NID1: variants seen among roughly 807,000 people sequenced by gnomAD.
NID1 encodes the protein nidogen-1.
In NID1, 76 loss-of-function variants were observed where a neutral mutation model predicts 130.6. The ratio of observed to expected loss-of-function variants is 0.58; its 90% CI spans 0.48 to 0.70. The LOEUF is 0.70. Among genes scored for constraint, NID1 ranks in the 30% least tolerant of loss-of-function variants. The pLI is 0.00. For missense variants in NID1, 1,517 were observed against 1,664.8 expected, an observed-to-expected ratio of 0.91 and a Z score of 1.54; for synonymous variants, 665 against 675.1, an observed-to-expected ratio of 0.98 and a Z score of 0.23.
chr1:236,060,568 T>G (rs1449733018), intron 1 of NID1: 1 of 152,168 alleles, frequency 6.6e-6, no homozygotes, highest in Non-Finnish European at 1.5e-5. Context: ...GATGAGTCAA[T>G]ATTTTCAACT....
At chr1:236,055,230 G>A (rs933532226) in intron 1 of NID1, among the ~76,000 whole-genome samples, 7 of 151,912 alleles carry the variant, frequency 4.6e-5, no homozygotes, top group Admixed American at 2.0e-4. Flanking sequence ...CGGGAACCCG[G>A]GAGGTGGAGC....
intron 9 of NID1, among the ~76,000 whole-genome samples, chr1:236,019,880 A>G (rs1347105025): frequency 6.6e-6 from 1 of 151,826 alleles, no homozygotes; most frequent in East Asian, 1.9e-4. Context: ...CATCTCTACT[A>G]AAAATACAAA....
chr1:236,013,362 G>A (rs1309724515), intron 11 of NID1, 49 bp downstream of exon 11: 3 of 1,602,784 alleles, frequency 1.9e-6, no homozygotes, highest in South Asian at 1.1e-5. Context: ...GTACCACCTA[G>A]GAAACTTTCT....
At chr1:236,037,651 C>T (rs758943385) in intron 5 of NID1, among the ~76,000 whole-genome samples, 1 of 134,520 alleles carries the variant, frequency 7.4e-6, no homozygotes, top group East Asian at 2.3e-4. Context: ...GAGTAAGACT[C>T]TGTCTCAAGA....
At chr1:236,046,571 A>C (rs1659607813) in intron 2 of NID1, among the ~76,000 whole-genome samples, 1 of 151,020 alleles carries the variant, frequency 6.6e-6, no homozygotes, top group Admixed American at 6.6e-5. Flanking sequence ...AGGACGTCCC[A>C]AACAGAGAGG....
At chr1:235,996,196 C>T (rs1290279779) in intron 12 of NID1, among the ~76,000 whole-genome samples, 4 of 152,116 alleles carry the variant, frequency 2.6e-5, no homozygotes, top group Non-Finnish European at 5.9e-5. Context: ...GAAGTACCTA[C>T]TTGACTGTGC....
At position 236,026,150 on chromosome 1, in the gene NID1, T is replaced by C. The variant is rs1348282778; in HGVS notation, c.1739-9A>G. ...GGAGGAGGAAGTGATCACTGCAGAG[T>C]GGGAAGGATGGAGGGGACAAGGCAG... On this transcript the variant is annotated splice_polypyrimidine_tract_variant and intron_variant, in intron 7 of 19. Coordinates refer to ENST00000264187, the MANE Select transcript of NID1 (RefSeq NM_002508.3). 6.2e-7 allele frequency: 1 copy of C among 1,611,782 alleles called. No individual in the cohort carries two copies. Among genetic ancestry groups the C allele is most frequent in the Non-Finnish European group, 8.5e-7 (1 of 1,179,134 alleles).
chr1:236,010,069 A>C (rs1350494401), intron 12 of NID1, among the ~76,000 whole-genome samples: 1 of 152,224 alleles, frequency 6.6e-6, no homozygotes, highest in African/African-American at 2.4e-5. Context: ...TAAACTGGAG[A>C]TGTGAAGCAA....
intron 1 of NID1, chr1:236,064,523 G>A: frequency 3.5e-6 from 1 of 284,040 alleles, no homozygotes; most frequent in Non-Finnish European, 6.7e-6. Context: ...CGAAGGGACT[G>A]GACAGCCGAG....
At chr1:235,990,213 G>A (rs1412928062) in intron 14 of NID1, among the ~76,000 whole-genome samples, 1 of 152,158 alleles carries the variant, frequency 6.6e-6, no homozygotes, top group Non-Finnish European at 1.5e-5. Context: ...AAACACAATG[G>A]GTAGAGAAAG....
chr1:235,995,874 A>G (rs745512303), intron 12 of NID1, among the ~76,000 whole-genome samples: 2 of 152,158 alleles, frequency 1.3e-5, no homozygotes, highest in Non-Finnish European at 2.9e-5. Flanking sequence ...AGAAGCATCT[A>G]CTCGGCCAGG....
At chr1:235,997,076 C>T (rs995182593) in intron 12 of NID1, among the ~76,000 whole-genome samples, 7 of 152,068 alleles carry the variant, frequency 4.6e-5, no homozygotes, top group Non-Finnish European at 7.4e-5. Flanking sequence ...TCAGGTGATC[C>T]GCCCGCCTCA....
intron 9 of NID1, 129 bp from the exon 10 acceptor site, chr1:236,017,402 C>T (rs79422747): frequency 1.2e-4 from 118 of 990,820 alleles, no homozygotes; most frequent in Non-Finnish European, 1.6e-4. Context: ...TTTTTTTTTC[C>T]GAGATGGAGT....
In NID1 at chr1:236,034,435, AAAAG is replaced by A. The variant is rs1192751289; in HGVS notation, c.1286-1787_1286-1784del. Among the ~76,000 whole-genome samples the A allele has an allele frequency of 6.6e-5, 10 of 151,626 alleles. No homozygotes were observed. The South Asian group carries it at 1.0e-3, about 16-fold the overall frequency. On this transcript the variant is annotated intron_variant, in intron 5 of 19. Coordinates refer to ENST00000264187, the MANE Select transcript of NID1 (RefSeq NM_002508.3). The stretch of plus-strand genomic sequence containing the variant: ...GAAACTCCATCTCAAAAAAAAAAAA[AAAAG>A]AAAGAAAGAAAAAGAAAAAGGCATG...
rs1324565876 is a variant in NID1 at position 235,977,636 on chromosome 1, G to A, written c.*231C>T. 3.9e-6 allele frequency: 2 copies of A among 507,302 alleles called. No individual in the cohort carries two copies. Among genetic ancestry groups the A allele is most frequent in the East Asian group, 7.1e-5 (2 of 28,302 alleles). 31.4% of individuals were successfully genotyped at this position (507,302 alleles called of 1,614,324 possible). ...GGTGTATAAGTCTGTCTGAGGGTTG[G>A]GGGTAGGGGTGGAGGGTTCTGTCCT... is the stretch of plus-strand genomic sequence containing the variant. On this transcript the variant is annotated 3_prime_UTR_variant, in exon 20 of 20. Transcript: ENST00000264187.
chr1:235,977,914 G>C lies in NID1; in HGVS notation c.3697C>G (p.Arg1233Gly), dbSNP rs373947726. ...ACTCCCAAGGTGTTGTCAGGGCAAC[G>C]GCAGGTCCTGCTCCCTGGGGTGGCC... ...CLATPGSRTCRCPDNTLGVDC... is the reference protein window; with the variant it reads ...CLATPGSRTCGCPDNTLGVDC... The change falls in exon 20 of 20, where the codon CGT becomes GGT. Residue 1233 changes from arginine to glycine, a missense_variant. Coordinates refer to ENST00000264187, the MANE Select transcript of NID1 (RefSeq NM_002508.3). 6.2e-7 allele frequency: 1 copy of C among 1,614,138 alleles called. No individual in the cohort carries two copies. The highest frequency in any genetic ancestry group is 1.3e-5 in the African/African-American group (1 of 75,032).
chr1:236,042,070 T>C lies in NID1; in HGVS notation c.975A>G (p.Thr325=). 1 of 1,614,158 alleles carries C rather than the reference T, an allele frequency of 6.2e-7. No homozygotes were observed. The highest frequency in any genetic ancestry group is 1.7e-5 in the Admixed American group (1 of 60,024). Residue 325 remains threonine (T), a synonymous_variant, in exon 4 of 20, where the codon ACA becomes ACG. Transcript: ENST00000264187. ...YKALRRGGAD[T]YSVPSVLSPR... ...GGGAGAGGACGCTGGGCACACTGTATGTGTCAGCACCTCCCCTTCTCAGAG... is the reference window on the plus strand; with the variant it reads ...GGGAGAGGACGCTGGGCACACTGTACGTGTCAGCACCTCCCCTTCTCAGAG...
rs776529004 is a variant in NID1, at chr1:236,042,287, C to G, written c.758G>C (p.Ser253Thr). The G allele has an allele frequency of 1.2e-6, 2 of 1,601,790 alleles. No individual in the cohort carries two copies. The highest frequency in any genetic ancestry group is 8.5e-7 in the Non-Finnish European group (1 of 1,179,566). The change falls in exon 4 of 20, where the codon AGT becomes ACT. Residue 253 changes from serine (S) to threonine (T), a missense_variant. Ser to Thr is a moderately conservative substitution (Grantham distance 58). This residue lies in a region of NID1 where 1,329 missense variants were observed against 1,429.2 expected (regional missense o/e 0.93). Coordinates refer to ENST00000264187, the MANE Select transcript of NID1 (RefSeq NM_002508.3). Reference protein sequence around the residue: ...RESVENLAKSSNSGQQGVWVF... With the variant: ...RESVENLAKSTNSGQQGVWVF... Reference sequence around the variant, plus strand: ...CCAGACACCCTGCTGCCCAGAGTTACTACTCCTAGGAGGAAGGACAGGCTT... The same window carrying G: ...CCAGACACCCTGCTGCCCAGAGTTAGTACTCCTAGGAGGAAGGACAGGCTT...
At chr1:235,991,408 C>T (rs868759910) in intron 13 of NID1, among the ~76,000 whole-genome samples, 1 of 152,120 alleles carries the variant, frequency 6.6e-6, no homozygotes, top group Non-Finnish European at 1.5e-5. Context: ...TCTTGGCTCA[C>T]TGCAACCTCT....
Sources: gnomAD v4.1 joint callset for allele counts (sites outside exome capture counted in the v4.1 genomes callset) on GRCh38, gnomAD v4.1.1 for gene constraint, gnomAD v4.1.1 regional missense constraint, MANE v1.5 for transcripts, NCBI Gene and HGNC (gene_info 2026-07-23, HGNC 2026-07-21) for gene names.